CDYL2: variants seen among roughly 807,000 people sequenced by gnomAD.
CDYL2 encodes the protein chromodomain Y like 2.
In CDYL2, 23 loss-of-function variants were observed where a neutral mutation model predicts 49.4. That is an observed-to-expected ratio of 0.47 (90% CI 0.34 to 0.66). The LOEUF (loss-of-function observed/expected upper bound fraction) is 0.66. CDYL2 is among the 30% of genes least tolerant of loss of function. The pLI is 0.01. For missense variants in CDYL2, 678 were observed against 656.4 expected (o/e 1.03, Z -0.36); for synonymous variants, 360 against 268.8 (o/e 1.34, Z -3.32).
intron 1 of CDYL2, among the ~76,000 whole-genome samples, chr16:80,717,677 CAGTGA>C (rs1567583266): frequency 6.6e-6 from 1 of 152,196 alleles, no homozygotes; most frequent in Non-Finnish European, 1.5e-5. Context: ...GGGCATGGAG[CAGTGA>C]AGTGGACAGA....
chr16:80,711,930 G>T (rs188591371), intron 1 of CDYL2, among the ~76,000 whole-genome samples: 9 of 151,518 alleles, frequency 5.9e-5, no homozygotes, highest in Non-Finnish European at 1.3e-4. Context: ...ACCGACAGGG[G>T]AGAAGGACAC....
chr16:80,627,940 C>T (rs762897662), intron 3 of CDYL2: 1 of 152,188 alleles, frequency 6.6e-6, no homozygotes, highest in African/African-American at 2.4e-5. Context: ...TTGGATCCGG[C>T]GTGGGTTTAC....
At chr16:80,613,298 G>T (rs1906683995) in intron 4 of CDYL2, among the ~76,000 whole-genome samples, 2 of 152,188 alleles carry the variant, frequency 1.3e-5, no homozygotes, top group Non-Finnish European at 2.9e-5. Flanking sequence ...AAAGGTGAAT[G>T]GAGTGGCTTT....
chr16:80,728,797 C>A (rs1206700912), intron 1 of CDYL2, among the ~76,000 whole-genome samples: 1 of 152,030 alleles, frequency 6.6e-6, no homozygotes, highest in East Asian at 1.9e-4. Context: ...GGCCAATATT[C>A]AACATTCTTA....
At chr16:80,692,338 C>T (rs1330735139) in intron 1 of CDYL2, among the ~76,000 whole-genome samples, 1 of 152,150 alleles carries the variant, frequency 6.6e-6, no homozygotes, top group Non-Finnish European at 1.5e-5. Flanking sequence ...TGTTCCAGAA[C>T]ACCTGTTGAA....
intron 4 of CDYL2, among the ~76,000 whole-genome samples, chr16:80,616,004 T>A (rs1357961386): frequency 6.6e-6 from 1 of 152,180 alleles, no homozygotes; most frequent in African/African-American, 2.4e-5. Context: ...GTACGCCACC[T>A]TCCCCCACAT....
intron 1 of CDYL2, among the ~76,000 whole-genome samples, chr16:80,755,634 G>C (rs1241743585): frequency 6.6e-6 from 1 of 152,104 alleles, no homozygotes; most frequent in Non-Finnish European, 1.5e-5. Flanking sequence ...CTTATCCTAA[G>C]TACCTGAGAT....
chr16:80,644,101 C>T (rs972097956), intron 2 of CDYL2, among the ~76,000 whole-genome samples: 1 of 152,204 alleles, frequency 6.6e-6, no homozygotes, highest in Non-Finnish European at 1.5e-5. Context: ...TGCTTTGCTG[C>T]TTAGAAATTT....
chr16:80,746,013 C>T (rs1363043867), intron 1 of CDYL2, among the ~76,000 whole-genome samples: 1 of 152,190 alleles, frequency 6.6e-6, no homozygotes, highest in South Asian at 2.1e-4. Context: ...AGGTAAAGCT[C>T]GCACTTGTCT....
chr16:80,702,560 C>G (rs9940498), intron 1 of CDYL2, among the ~76,000 whole-genome samples: 95,738 of 151,868 alleles, frequency 0.63, 30,556 homozygotes, highest in Middle Eastern at 0.76. Context: ...GACCATCCTG[C>G]GCAACAGAGT....
chr16:80,696,977 C>T (rs556540419), intron 1 of CDYL2, among the ~76,000 whole-genome samples: 31 of 152,096 alleles, frequency 2.0e-4, no homozygotes, highest in African/African-American at 6.8e-4. Context: ...CATTACACTC[C>T]GGCCTGAACA....
chr16:80,727,458 G>A (rs1294135960), intron 1 of CDYL2, among the ~76,000 whole-genome samples: 1 of 152,224 alleles, frequency 6.6e-6, no homozygotes, highest in Non-Finnish European at 1.5e-5. Context: ...CGCCCACGGA[G>A]TCTCGCTGAT....
chr16:80,758,815 T>C (rs1276894258), intron 1 of CDYL2, among the ~76,000 whole-genome samples: 1 of 151,724 alleles, frequency 6.6e-6, no homozygotes, highest in Non-Finnish European at 1.5e-5. Flanking sequence ...GTGCCGGGAT[T>C]ACAGGCGTGA....
At chr16:80,752,577 G>C (rs982320332) in intron 1 of CDYL2, among the ~76,000 whole-genome samples, 2 of 152,110 alleles carry the variant, frequency 1.3e-5, no homozygotes, top group East Asian at 3.8e-4. Context: ...CTGACAGCTG[G>C]GTCCTCAATA....
intron 1 of CDYL2, among the ~76,000 whole-genome samples, chr16:80,762,313 A>G (rs1906560235): frequency 6.6e-6 from 1 of 152,236 alleles, no homozygotes; most frequent in Non-Finnish European, 1.5e-5. Flanking sequence ...AGACCATCGC[A>G]AGGAAGAGAA....
At chr16:80,728,405 T>G (rs1455444217) in intron 1 of CDYL2, among the ~76,000 whole-genome samples, 16 of 152,010 alleles carry the variant, frequency 1.1e-4, no homozygotes, top group Non-Finnish European at 2.1e-4. Flanking sequence ...GAAAAAAGAA[T>G]AAAAAGAAAC....
At chr16:80,747,529 G>T (rs932509484) in intron 1 of CDYL2, among the ~76,000 whole-genome samples, 1 of 152,182 alleles carries the variant, frequency 6.6e-6, no homozygotes, top group Non-Finnish European at 1.5e-5. Flanking sequence ...GCCAGGGATT[G>T]TTGTTACCAA....
intron 1 of CDYL2, among the ~76,000 whole-genome samples, chr16:80,759,023 A>G (rs1009902506): frequency 6.7e-6 from 1 of 149,030 alleles, no homozygotes; most frequent in African/African-American, 2.5e-5. Flanking sequence ...TAAATGGAAA[A>G]CACATGTTAC....
At chr16:80,711,292 G>A (rs945113488) in intron 1 of CDYL2, among the ~76,000 whole-genome samples, 6 of 152,154 alleles carry the variant, frequency 3.9e-5, no homozygotes, top group Admixed American at 3.3e-4. Flanking sequence ...TAGATTCTGT[G>A]AACAATATAA....
Sources: allele counts gnomAD v4.1 joint callset (sites outside exome capture counted in the v4.1 genomes callset), GRCh38; gene constraint gnomAD v4.1.1; transcripts MANE v1.5; gene names NCBI Gene and HGNC (gene_info 2026-07-23, HGNC 2026-07-21).